The following ANXA8 variants were observed in gnomAD, a reference collection of about 807,000 sequenced individuals.
ANXA8 encodes the protein VAC-beta.
A neutral mutation model predicts 26.8 loss-of-function variants in ANXA8; 9 were observed. The observed-to-expected ratio is 0.34, with a 90% CI of 0.20 to 0.59. ANXA8 has a LOEUF of 0.59. ANXA8 is among the 20% of genes least tolerant of loss of function. The pLI, the probability that ANXA8 is intolerant of heterozygous loss-of-function variation, is 0.84. For synonymous variants in ANXA8, 39 were observed against 94.8 expected, an observed-to-expected ratio of 0.41 and a Z score of 3.42; for missense variants, 83 against 238.5, an observed-to-expected ratio of 0.35 and a Z score of 4.29.
At chr10:47,469,247 A>T (rs1839228433) in intron 11 of ANXA8, among the ~76,000 whole-genome samples, 1 of 148,130 alleles carries the variant, frequency 6.8e-6, no homozygotes, top group Non-Finnish European at 1.5e-5. Context: ...ACACAACAGG[A>T]TGCATCATTA....
the ANXA8 span, among the ~76,000 whole-genome samples, chr10:47,575,629 C>A: frequency 2.6e-5 from 2 of 76,460 alleles, no homozygotes; most frequent in African/African-American, 9.0e-5. Flanking sequence ...AGGTGCTCCA[C>A]CTGCCTCAGC....
the ANXA8 span, among the ~76,000 whole-genome samples, chr10:47,623,070 T>C: frequency 8.9e-6 from 1 of 112,044 alleles, no homozygotes; most frequent in African/African-American, 3.4e-5. Context: ...ACTCTATAAA[T>C]GCTATGAAAG....
At chr10:47,985,770 T>C in the ANXA8 span, 1 of 150,908 alleles carries the variant, frequency 6.6e-6, no homozygotes, top group Non-Finnish European at 1.5e-5. Context: ...GCAATTACTT[T>C]CGCACCAACC....
the ANXA8 span, among the ~76,000 whole-genome samples, chr10:47,936,998 T>A: frequency 2.0e-5 from 3 of 149,776 alleles, no homozygotes; most frequent in African/African-American, 7.3e-5. Context: ...CTGCTCTCAC[T>A]CTCTTCAGCT....
chr10:47,475,333 G>T (rs1209952957), intron 6 of ANXA8, among the ~76,000 whole-genome samples, 160 bp downstream of exon 6: 2 of 152,026 alleles, frequency 1.3e-5, no homozygotes, highest in Admixed American at 1.3e-4. Context: ...CTGCAGTTGG[G>T]ACCCTCTAAC....
At chr10:47,575,198 C>CAAAAA in the ANXA8 span, among the ~76,000 whole-genome samples, 113 of 107,230 alleles carry the variant, frequency 1.1e-3, no homozygotes, top group African/African-American at 2.6e-3. Context: ...GAGTGAAACT[C>CAAAAA]AAAAAAAAAA....
At chr10:47,657,271 C>G in the ANXA8 span, among the ~76,000 whole-genome samples, 3 of 151,642 alleles carry the variant, frequency 2.0e-5, no homozygotes, top group Admixed American at 1.3e-4. Flanking sequence ...GCTATGTTGT[C>G]CAGGCCAGTC....
At chr10:47,957,509 G>A in the ANXA8 span, among the ~76,000 whole-genome samples, 7 of 150,572 alleles carry the variant, frequency 4.6e-5, no homozygotes, top group African/African-American at 7.4e-5. Context: ...TTCCTTTCCC[G>A]AGAGCGCTCT....
At chr10:47,690,962 A>G in the ANXA8 span, 1 of 1,611,188 alleles carries the variant, frequency 6.2e-7, no homozygotes, top group African/African-American at 1.3e-5. Flanking sequence ...GATCGGAGAA[A>G]TGTGTCTGAA....
the ANXA8 span, among the ~76,000 whole-genome samples, chr10:47,704,687 G>C: frequency 2.0e-5 from 3 of 151,876 alleles, no homozygotes; most frequent in Non-Finnish European, 4.4e-5. Flanking sequence ...ATTTAGCAAA[G>C]TAGCTGGATA....
the ANXA8 span, among the ~76,000 whole-genome samples, chr10:47,677,353 T>G: frequency 6.6e-6 from 1 of 152,112 alleles, no homozygotes; most frequent in Non-Finnish European, 1.5e-5. Flanking sequence ...CCAAGAGGGA[T>G]TAACCGCTAC....
chr10:47,554,142 T>TAAATAAATAAAA, the ANXA8 span, among the ~76,000 whole-genome samples: 1 of 139,700 alleles, frequency 7.2e-6, no homozygotes, highest in Non-Finnish European at 1.5e-5. Context: ...AATAAATAAA[T>TAAATAAATAAAA]AAATAAAAAT....
chr10:47,488,886 C>A (rs1840095364), upstream of ANXA8, among the ~76,000 whole-genome samples: 1 of 146,612 alleles, frequency 6.8e-6, no homozygotes, highest in South Asian at 2.2e-4. Context: ...CGCCACCGTG[C>A]CCAGCTAATT....
chr10:47,671,574 C>T, the ANXA8 span, among the ~76,000 whole-genome samples: 1,038 of 151,570 alleles, frequency 6.8e-3, no homozygotes, highest in Non-Finnish European at 0.011. Context: ...AAGTTTTTTT[C>T]GTGAATTATT....
chr10:47,733,233 C>A, the ANXA8 span, among the ~76,000 whole-genome samples: 121 of 59,726 alleles, frequency 2.0e-3, 5 homozygotes, highest in Non-Finnish European at 3.3e-3. Flanking sequence ...CTTTCTTTCT[C>A]TCTTTCTTTC....
chr10:47,474,950 C>T lies in ANXA8; in HGVS notation c.547G>A (p.Ala183Thr), dbSNP rs1423021891. 4.0e-5 allele frequency: 62 copies of T among 1,532,740 alleles called. 9 individuals are homozygous for T. In the East Asian group the frequency reaches 4.4e-4, roughly 11 times the overall value. 94.9% of individuals were successfully genotyped at this position (1,532,740 alleles called of 1,614,324 possible). The change falls in exon 7 of 12, where the codon GCA becomes ACA. Residue 183 changes from alanine to threonine, a missense_variant. Transcript: ENST00000585281. The part of the protein sequence containing the change: ...FVDPGLALQD[A>T]QDLYAAGEKI... Reference sequence around the variant, plus strand: ...CCGGCTGGGCGCAGCCTCACCTGTGCGTCTTGGAGGGCCAGTCCTGGGTCC... The same window carrying T: ...CCGGCTGGGCGCAGCCTCACCTGTGTGTCTTGGAGGGCCAGTCCTGGGTCC...
the ANXA8 span, chr10:47,590,464 A>G: frequency 6.8e-6 from 1 of 146,790 alleles, no homozygotes; most frequent in South Asian, 2.1e-4. Flanking sequence ...GTTTCCTCCC[A>G]AAGAGAGGCC....
the ANXA8 span, among the ~76,000 whole-genome samples, chr10:47,952,112 A>C: frequency 3.3e-5 from 5 of 151,082 alleles, no homozygotes; most frequent in Admixed American, 6.6e-5. Context: ...CTGGCGTAGA[A>C]GGGAAATTCA....
chr10:47,941,513 G>T, the ANXA8 span, among the ~76,000 whole-genome samples: 1 of 147,088 alleles, frequency 6.8e-6, no homozygotes. Context: ...AAATTAGCCA[G>T]GCGTGGTGGC....
Sources: gnomAD v4.1 joint callset for allele counts (sites outside exome capture counted in the v4.1 genomes callset) on GRCh38, gnomAD v4.1.1 for gene constraint, MANE v1.5 for transcripts, NCBI Gene and HGNC (gene_info 2026-07-23, HGNC 2026-07-21) for gene names.